The following GRIP1 variants were observed in gnomAD, a reference collection of about 807,000 sequenced individuals.
The protein encoded by GRIP1 is glutamate receptor interacting protein 1.
A neutral mutation model predicts 129.9 loss-of-function variants in GRIP1; 45 were observed. That is an observed-to-expected ratio of 0.35 (90% CI 0.27 to 0.44). GRIP1 has a LOEUF of 0.44. Among genes scored for constraint, GRIP1 ranks in the 20% least tolerant of loss-of-function variants. The probability of loss-of-function intolerance (pLI) is 1.00; values close to 1 mark genes in which losing one functional copy is unlikely to be tolerated. For synonymous variants in GRIP1, 530 were observed against 520.8 expected (o/e 1.02, Z -0.24); for missense variants, 1,196 against 1,396.8 (o/e 0.86, Z 2.29).
intron 1 of GRIP1, among the ~76,000 whole-genome samples, chr12:67,042,603 G>A (rs998470533): frequency 2.0e-5 from 3 of 151,898 alleles, no homozygotes; most frequent in Admixed American, 1.3e-4. Context: ...TCTCTTATCT[G>A]GTATTTGAAT....
At chr12:66,700,447 TA>T (rs1263980449) in intron 1 of GRIP1, among the ~76,000 whole-genome samples, 100 of 150,810 alleles carry the variant, frequency 6.6e-4, no homozygotes, top group African/African-American at 2.3e-3. Context: ...TTTTTTTTTT[TA>T]AATTAAGATT....
At chr12:66,805,803 T>C (rs1410453914), upstream of GRIP1, among the ~76,000 whole-genome samples, 1 of 152,210 alleles carries the variant, frequency 6.6e-6, no homozygotes, top group Admixed American at 6.5e-5. Flanking sequence ...GTAGTTACTT[T>C]CAATGGTTCT....
intron 1 of GRIP1, among the ~76,000 whole-genome samples, chr12:66,971,433 TG>T (rs760926984): frequency 2.6e-5 from 4 of 152,214 alleles, no homozygotes; most frequent in Non-Finnish European, 4.4e-5. Context: ...TGAGAATTCA[TG>T]GCAAACTTAA....
chr12:66,886,967 C>G (rs892698425), intron 1 of GRIP1, among the ~76,000 whole-genome samples: 1 of 152,190 alleles, frequency 6.6e-6, no homozygotes, highest in African/African-American at 2.4e-5. Flanking sequence ...TACGAGAGGT[C>G]TATGTCTCCA....
chr12:66,795,720 C>T (rs1025994071), intron 1 of GRIP1, among the ~76,000 whole-genome samples: 4 of 152,086 alleles, frequency 2.6e-5, no homozygotes, highest in Non-Finnish European at 4.4e-5. Flanking sequence ...CCACAAAGCA[C>T]AGAAGATGGT....
intron 1 of GRIP1, among the ~76,000 whole-genome samples, chr12:66,913,330 T>C (rs919251076): frequency 2.0e-5 from 3 of 152,180 alleles, no homozygotes; most frequent in African/African-American, 7.2e-5. Context: ...TTTTGCAAGA[T>C]TAATGTCTTA....
intron 2 of GRIP1, among the ~76,000 whole-genome samples, chr12:66,550,830 C>T (rs924661696): frequency 1.3e-5 from 2 of 152,050 alleles, no homozygotes; most frequent in African/African-American, 2.4e-5. Flanking sequence ...TCAGTGAAAC[C>T]GCCTCTCTTC....
chr12:66,700,349 AG>A (rs886313916), intron 1 of GRIP1, among the ~76,000 whole-genome samples: 19 of 151,956 alleles, frequency 1.3e-4, no homozygotes, highest in African/African-American at 4.6e-4. Flanking sequence ...TAGGCAGGAA[AG>A]GGATGGGCTG....
chr12:66,764,597 T>G (rs1216856623), intron 1 of GRIP1, among the ~76,000 whole-genome samples: 2 of 152,226 alleles, frequency 1.3e-5, no homozygotes, highest in Admixed American at 1.3e-4. Flanking sequence ...CCATCTATGA[T>G]TTGTAAATCA....
intron 2 of GRIP1, among the ~76,000 whole-genome samples, chr12:66,589,822 A>G (rs1183369874): frequency 6.6e-6 from 1 of 152,142 alleles, no homozygotes; most frequent in Non-Finnish European, 1.5e-5. Context: ...AGGTCAATAG[A>G]TAAGAAAAGA....
chr12:66,780,673 T>C (rs938612211), intron 1 of GRIP1, among the ~76,000 whole-genome samples: 3 of 152,174 alleles, frequency 2.0e-5, no homozygotes, highest in Middle Eastern at 3.2e-3. Flanking sequence ...GAGGTCTATA[T>C]CCTCTCCCTT....
intron 12 of GRIP1, 56 bp downstream of exon 12, chr12:66,445,266 T>G: frequency 1.5e-6 from 2 of 1,339,076 alleles, no homozygotes; most frequent in Non-Finnish European, 1.1e-6. Context: ...CATTCAAAGA[T>G]AGCAGGTACC....
chr12:66,909,089 T>G (rs2040985930), intron 1 of GRIP1, among the ~76,000 whole-genome samples: 1 of 152,230 alleles, frequency 6.6e-6, no homozygotes, highest in African/African-American at 2.4e-5. Flanking sequence ...TATTTTAAAT[T>G]TTTTCTTGCT....
intron 5 of GRIP1, among the ~76,000 whole-genome samples, chr12:66,521,762 G>A (rs2061012558): frequency 6.6e-6 from 1 of 152,204 alleles, no homozygotes; most frequent in Admixed American, 6.5e-5. Flanking sequence ...TCAAAGAAAG[G>A]GGTGACAGAC....
chr12:66,678,282 A>G (rs1324167709), intron 1 of GRIP1, among the ~76,000 whole-genome samples: 3 of 152,294 alleles, frequency 2.0e-5, no homozygotes, highest in East Asian at 1.9e-4. Flanking sequence ...TTTACTTTCA[A>G]ATAAACTTCT....
intron 1 of GRIP1, among the ~76,000 whole-genome samples, chr12:66,604,409 G>A (rs1294206748): frequency 7.2e-5 from 11 of 152,112 alleles, no homozygotes; most frequent in Admixed American, 7.2e-4. Context: ...TTCCAGCAAG[G>A]ACAGCTGAAC....
rs543772807 is a variant in GRIP1, at chr12:66,726,095, T to C, written c.-420+77958A>G. On this transcript the variant is annotated intron_variant, in intron 1 of 4. Coordinates refer to the GRIP1 transcript ENST00000538373. ...AGGTGTGCACATGTGTCAGTGTGTG[T>C]TTGTGGTGGTAATGGCACCCCAAAA... is the stretch of plus-strand genomic sequence containing the variant. Among the ~76,000 whole-genome samples the C allele has an allele frequency of 1.7e-3, 252 of 152,218 alleles. 3 individuals are homozygous for C. Among genetic ancestry groups the C allele is most frequent in the Non-Finnish European group, 4.1e-4 (28 of 68,024 alleles).
intron 6 of GRIP1, among the ~76,000 whole-genome samples, chr12:66,517,187 TC>T (rs1230016771): frequency 2.0e-5 from 3 of 152,124 alleles, no homozygotes; most frequent in African/African-American, 7.2e-5. Context: ...GCAGTTGTGT[TC>T]CCCCATCATT....
rs73333058 is a variant in GRIP1 at position 66,947,543 on chromosome 12, C to T, written c.58+121507G>A. ...TTGAAGGAGATGAAAACAGTTGATA[C>T]GGTACATGCTGCTTCATGAGTTTAG... is the stretch of plus-strand genomic sequence containing the variant. On this transcript the variant is annotated intron_variant, in intron 1 of 1. Coordinates refer to the GRIP1 transcript ENST00000643019. Among the ~76,000 whole-genome samples, 567 of 152,238 alleles carry T rather than the reference C, an allele frequency of 3.7e-3. 5 individuals are homozygous for T. The highest frequency in any genetic ancestry group is 0.013 in the African/African-American group (547 of 41,538).
Sources: allele counts gnomAD v4.1 joint callset (sites outside exome capture counted in the v4.1 genomes callset), GRCh38; gene constraint gnomAD v4.1.1; transcripts MANE v1.5; gene names NCBI Gene and HGNC (gene_info 2026-07-23, HGNC 2026-07-21).